Variants in ESPNL observed in about 807,000 individuals in gnomAD.
The protein encoded by ESPNL is espin-like protein.
Under a neutral mutation model 46.8 loss-of-function variants are expected in ESPNL, and 49 were observed. The ratio of observed to expected loss-of-function variants is 1.05; its 90% CI spans 0.83 to 1.33. ESPNL has a LOEUF of 1.33. ESPNL is among the 40% of genes most tolerant of loss of function. The pLI is 0.00. For synonymous variants in ESPNL, 664 were observed against 662.1 expected (o/e 1.00, Z -0.04); for missense variants, 1,540 against 1,436.6 (o/e 1.07, Z -1.16).
chr2:238,104,367 G>A (rs1222057474), intron 2 of ESPNL, among the ~76,000 whole-genome samples: 1 of 152,196 alleles, frequency 6.6e-6, no homozygotes, highest in Non-Finnish European at 1.5e-5. Context: ...CCTCCACTGG[G>A]ACAACTGAGA....
chr2:238,108,270 G>A (rs895998184), intron 4 of ESPNL, among the ~76,000 whole-genome samples: 7 of 152,206 alleles, frequency 4.6e-5, no homozygotes, highest in Non-Finnish European at 1.0e-4. Context: ...CAGCCCTTGG[G>A]GCGGACCCTC....
At chr2:238,115,761 C>G (rs1235409258) in intron 4 of ESPNL, among the ~76,000 whole-genome samples, 1 of 152,236 alleles carries the variant, frequency 6.6e-6, no homozygotes. Context: ...CAACCTCCGC[C>G]TCTTGGCTTA....
intron 6 of ESPNL, among the ~76,000 whole-genome samples, chr2:238,126,304 G>C (rs55713416): frequency 6.6e-6 from 1 of 150,840 alleles, no homozygotes; most frequent in Non-Finnish European, 1.5e-5. Context: ...GTGCATGATT[G>C]TGTATCTGTG....
chr2:238,127,434 C>T lies in ESPNL; in HGVS notation c.1103-188C>T, dbSNP rs1324610359. ...CCCATCGACCAGGCGGGGGCGGGCCCCACTGACTCCCCAGAGAAGGTCCAG... is the reference window on the plus strand; with the variant it reads ...CCCATCGACCAGGCGGGGGCGGGCCTCACTGACTCCCCAGAGAAGGTCCAG... On this transcript the variant is annotated intron_variant, in intron 6 of 8. Coordinates refer to ENST00000343063, the MANE Select transcript of ESPNL (RefSeq NM_194312.4). 5 of 1,338,780 alleles carry T rather than the reference C, an allele frequency of 3.7e-6. No homozygotes were observed. The African/African-American group carries it at 6.1e-5, about 16-fold the overall frequency. 82.9% of individuals were successfully genotyped at this position (1,338,780 alleles called of 1,614,324 possible). A position where few individuals can be genotyped will look rare whatever the true frequency, so the allele number is the denominator to read the frequency against.
At chr2:238,103,640 G>T (rs553378281) in intron 2 of ESPNL, among the ~76,000 whole-genome samples, 1 of 152,130 alleles carries the variant, frequency 6.6e-6, no homozygotes, top group Non-Finnish European at 1.5e-5. Context: ...CAGCCACCGC[G>T]CTGGACACCA....
At chr2:238,127,264 C>T (rs1466137711) in intron 6 of ESPNL, 16 of 796,962 alleles carry the variant, frequency 2.0e-5, no homozygotes, top group Non-Finnish European at 2.5e-5. Flanking sequence ...TGTGTGTTTT[C>T]ATCGGGGCAG....
In ESPNL at chr2:238,100,714, G is replaced by T. The variant is rs1440797068; in HGVS notation, c.294+1G>T. On this transcript the variant is annotated splice_donor_variant, in intron 1 of 8. Transcript: ENST00000343063. LOFTEE classifies it high-confidence loss of function. ...CCGCGAGGGGGGCTGCGGTCTGCAG[G>T]TGAGCGGGGATGGGGCAGCCTGGCT... 7.1e-7 allele frequency: 1 copy of T among 1,415,500 alleles called. No homozygotes were observed. The highest frequency in any genetic ancestry group is 2.8e-5 in the East Asian group (1 of 35,456). The allele number at this position is 1,415,500 out of a possible 1,614,324, so 87.7% of individuals were successfully genotyped here.
chr2:238,131,403 G>A lies in ESPNL; in HGVS notation c.2689G>A (p.Val897Met). Residue 897 changes from valine (V) to methionine (M), a missense_variant, in exon 9 of 9, where the codon GTG becomes ATG. By Grantham distance (21) the Val-to-Met change is conservative. Transcript: ENST00000343063. ...CCTGGGCACCCACGGCTGGGAGGCT[G>A]TGCGCGCCTTCCACAAGGCCGTGAC... ...EHLGTHGWEA[V>M]RAFHKAVTDE... The A allele has an allele frequency of 6.2e-7, 1 of 1,607,362 alleles. No individual in the cohort carries two copies. Among genetic ancestry groups the A allele is most frequent in the Non-Finnish European group, 8.5e-7 (1 of 1,177,704 alleles).
In ESPNL at chr2:238,128,815, C is replaced by G. The variant is rs749122984; in HGVS notation, c.1324C>G (p.Arg442Gly). 66 of 1,552,260 alleles carry G rather than the reference C, an allele frequency of 4.3e-5. No homozygotes were observed. The highest frequency in any genetic ancestry group is 5.6e-5 in the Non-Finnish European group (64 of 1,148,600). Residue 442 changes from arginine to glycine, a missense_variant, in exon 8 of 9, where the codon CGC (arginine) becomes GGC (glycine). Coordinates refer to ENST00000343063, the MANE Select transcript of ESPNL (RefSeq NM_194312.4). ...CGGGCTGGTGCCCACGCGGGATGAGCGCGGCCAGCCCATCCCAGAGTGGAA... is the reference window on the plus strand; with the variant it reads ...CGGGCTGGTGCCCACGCGGGATGAGGGCGGCCAGCCCATCCCAGAGTGGAA... ...IDGLVPTRDE[R>G]GQPIPEWKRQ...
Position 238,130,901 on chromosome 2 carries a change from C to G in ESPNL, c.2187C>G (p.Ala729=). 4 of 1,545,322 alleles carry G rather than the reference C, an allele frequency of 2.6e-6. No homozygotes were observed. Among genetic ancestry groups the G allele is most frequent in the Non-Finnish European group, 3.5e-6 (4 of 1,145,614 alleles). Residue 729 remains alanine (A), a synonymous_variant, in exon 9 of 9, where the codon GCC becomes GCG. Coordinates refer to ENST00000343063, the MANE Select transcript of ESPNL (RefSeq NM_194312.4). Reference sequence around the variant, plus strand: ...TGCCATCAGAGGCGGGTGCCGCAGCCGGCCCAGACCTGGCCAGCCTGCGCA... The same window carrying G: ...TGCCATCAGAGGCGGGTGCCGCAGCGGGCCCAGACCTGGCCAGCCTGCGCA... ...EEVPSEAGAA[A]GPDLASLRKE...
chr2:238,123,371 G>A (rs779243045), intron 5 of ESPNL, among the ~76,000 whole-genome samples: 3 of 152,188 alleles, frequency 2.0e-5, no homozygotes, highest in Admixed American at 1.3e-4. Context: ...GCGGCAGCCC[G>A]GCTGTGGGGC....
At position 238,131,648 on chromosome 2, in the gene ESPNL, CGGT is replaced by C; in HGVS notation, c.2936_2938del (p.Gly979del). On this transcript the variant is annotated inframe_deletion, in exon 9 of 9. Transcript: ENST00000343063. The stretch of plus-strand genomic sequence containing the variant: ...CCCGCTCCCAGCAGGGCAGCTTCAA[CGGT>C]GAGGACATCTGCGGCTACATCAACC... The C allele has an allele frequency of 3.1e-6, 5 of 1,609,402 alleles. No homozygotes were observed. Among genetic ancestry groups the C allele is most frequent in the African/African-American group, 1.3e-5 (1 of 74,976 alleles).
chr2:238,131,437 T>TGGCCGCCGGCCGCCGGGCCTG lies in ESPNL; in HGVS notation c.2725_2745dup (p.Ala909_Trp915dup). On this transcript the variant is annotated inframe_insertion, in exon 9 of 9. Coordinates refer to ENST00000343063, the MANE Select transcript of ESPNL (RefSeq NM_194312.4). Reference sequence around the variant, plus strand: ...TTCCACAAGGCCGTGACCGACGAGGTGGCCGCCGGCCGCCGGGCCTGGACC... The same window carrying TGGCCGCCGGCCGCCGGGCCTG: ...TTCCACAAGGCCGTGACCGACGAGGTGGCCGCCGGCCGCCGGGCCTGGGCCGCCGGCCGCCGGGCCTGGACC... The TGGCCGCCGGCCGCCGGGCCTG allele has an allele frequency of 6.2e-7, 1 of 1,609,038 alleles. No individual in the cohort carries two copies. The highest frequency in any genetic ancestry group is 8.5e-7 in the Non-Finnish European group (1 of 1,178,094).
Position 238,116,967 on chromosome 2 carries a change from C to T in ESPNL, c.920C>T (p.Ala307Val), listed in dbSNP as rs766163742. The change falls in exon 5 of 9, where the codon GCG becomes GTG. Residue 307 changes from alanine (A) to valine (V), a missense_variant. Coordinates refer to ENST00000343063, the MANE Select transcript of ESPNL (RefSeq NM_194312.4). The stretch of plus-strand genomic sequence containing the variant: ...CTGCGGGATGAAGATGGTTACACGG[C>T]GGCAGACCTGGCGGAGTACCATGGA... Reference protein sequence around the residue: ...PSLRDEDGYTAADLAEYHGHR... With the variant: ...PSLRDEDGYTVADLAEYHGHR... 82 of 1,612,450 alleles carry T rather than the reference C, an allele frequency of 5.1e-5. No homozygotes were observed. In the South Asian group the frequency reaches 6.8e-4, roughly 13 times the overall value.
chr2:238,109,073 A>C (rs2106466700), intron 4 of ESPNL, among the ~76,000 whole-genome samples: 1 of 152,098 alleles, frequency 6.6e-6, no homozygotes, highest in Non-Finnish European at 1.5e-5. Context: ...ACCTAGACAG[A>C]GATAGGAAGT....
In ESPNL at chr2:238,107,839, A is replaced by C. The variant is rs754840274; in HGVS notation, c.721A>C (p.Thr241Pro). The C allele has an allele frequency of 5.0e-6, 8 of 1,607,460 alleles. No homozygotes were observed. The highest frequency in any genetic ancestry group is 6.8e-6 in the Non-Finnish European group (8 of 1,177,342). ...GLTARDNEGA[T>P]ALHFAARGGH... Reference sequence around the variant, plus strand: ...CACGGCACGGGACAATGAGGGGGCCACGGCCCTGCACTTTGCAGCCCGAGG... The same window carrying C: ...CACGGCACGGGACAATGAGGGGGCCCCGGCCCTGCACTTTGCAGCCCGAGG... Residue 241 changes from threonine (T) to proline (P), a missense_variant, in exon 4 of 9, where the codon ACG (threonine) becomes CCG (proline). Physicochemically the swap from Thr to Pro is conservative, Grantham distance 38. Transcript: ENST00000343063.
intron 2 of ESPNL, 129 bp downstream of exon 2, chr2:238,102,260 C>T (rs1471636469): frequency 4.9e-6 from 4 of 824,468 alleles, no homozygotes; most frequent in East Asian, 5.4e-5. Context: ...GGCATGCTGT[C>T]ACTGTGGGGG....
In ESPNL at chr2:238,130,175, C is replaced by T. The variant is rs999186951; in HGVS notation, c.1461C>T (p.Tyr487=). 4.2e-5 allele frequency: 67 copies of T among 1,612,898 alleles called. No individual in the cohort carries two copies. Among genetic ancestry groups the T allele is most frequent in the Non-Finnish European group, 5.4e-5 (64 of 1,179,982 alleles). Residue 487 remains tyrosine, a synonymous_variant, in exon 9 of 9, where the codon TAC becomes TAT. Transcript: ENST00000343063. ...CCACGGAGCAGGCGGCCTGGAGGTA[C>T]TCACAGACTCATCAGGCCATCCTGG... ...SGPTEQAAWR[Y]SQTHQAILGP...
intron 5 of ESPNL, among the ~76,000 whole-genome samples, chr2:238,124,045 T>TG (rs980441966): frequency 6.6e-6 from 1 of 152,102 alleles, no homozygotes; most frequent in African/African-American, 2.4e-5. Context: ...AGCAGGAAAA[T>TG]GGGGGCCCTG....
Sources: gnomAD v4.1 joint callset for allele counts (sites outside exome capture counted in the v4.1 genomes callset) on GRCh38, gnomAD v4.1.1 for gene constraint, MANE v1.5 for transcripts, NCBI Gene and HGNC (gene_info 2026-07-23, HGNC 2026-07-21) for gene names.